Variants in EFHC2 observed in about 807,000 individuals in gnomAD.
EFHC2 encodes the protein EF-hand domain containing 2.
A neutral mutation model predicts 52.7 loss-of-function variants in EFHC2; 18 were observed. The ratio of observed to expected loss-of-function variants is 0.34; its 90% confidence interval spans 0.24 to 0.51. The LOEUF (loss-of-function observed/expected upper bound fraction) is 0.51. EFHC2 is among the 20% of genes least tolerant of loss of function. The pLI is 0.97. For synonymous variants in EFHC2, 203 were observed against 204.1 expected (o/e 0.99, Z 0.04); for missense variants, 513 against 562.5 (o/e 0.91, Z 0.89).
intron 11 of EFHC2, among the ~76,000 whole-genome samples, chrX:44,199,772 A>G (rs2036993097): frequency 8.9e-6 from 1 of 112,252 alleles, no homozygotes; most frequent in East Asian, 2.8e-4. Context: ...ATGTTCTAAG[A>G]AGGAGACAAC....
At chrX:44,180,270 T>C in intron 11 of EFHC2, among the ~76,000 whole-genome samples, 1 of 111,871 alleles carries the variant, frequency 8.9e-6, no homozygotes. Flanking sequence ...TCACTAATCA[T>C]TATTTAAAAA....
chrX:44,162,892 G>T (rs942823024), intron 14 of EFHC2, among the ~76,000 whole-genome samples: 2 of 111,670 alleles, frequency 1.8e-5, no homozygotes, highest in Non-Finnish European at 3.8e-5. Flanking sequence ...CTCAAAGGTA[G>T]CAGTGACAAT....
intron 8 of EFHC2, among the ~76,000 whole-genome samples, chrX:44,241,722 A>G (rs1336010650): frequency 8.9e-6 from 1 of 112,757 alleles, no homozygotes; most frequent in Admixed American, 9.3e-5. Context: ...TGGTGCTTTC[A>G]CGCTACAAAG....
At chrX:44,205,202 T>C (rs766928593) in intron 11 of EFHC2, among the ~76,000 whole-genome samples, 24 of 108,219 alleles carry the variant, frequency 2.2e-4, no homozygotes, top group African/African-American at 7.4e-4. Flanking sequence ...TTTAAAGGAG[T>C]TCTAAACATG....
In EFHC2 at chrX:44,343,597, G is replaced by A. The variant is rs747297699; in HGVS notation, c.-9C>T. The A allele has an allele frequency of 8.4e-7, 1 of 1,187,122 alleles. No individual in the cohort carries two copies. Among genetic ancestry groups the A allele is most frequent in the East Asian group, 3.1e-5 (1 of 32,506 alleles). On this transcript the variant is annotated 5_prime_UTR_variant, in exon 1 of 15. Transcript: ENST00000420999. ...AGCAGAGGCAGGGCCATGGCGCTCA[G>A]TGTCCGAAAATCCAGGGTCCCAGAA...
chrX:44,230,019 C>A (rs2037263632), intron 10 of EFHC2, among the ~76,000 whole-genome samples: 1 of 110,969 alleles, frequency 9.0e-6, no homozygotes, highest in Non-Finnish European at 1.9e-5. Context: ...GCTTAAGGAA[C>A]ACCAGGCCAC....
At chrX:44,275,597 T>C (rs1246400741) in intron 2 of EFHC2, among the ~76,000 whole-genome samples, 1 of 108,882 alleles carries the variant, frequency 9.2e-6, no homozygotes, top group East Asian at 2.9e-4. Context: ...TCATCATTTA[T>C]GATGTCAAGC....
intron 14 of EFHC2, among the ~76,000 whole-genome samples, chrX:44,163,584 G>T (rs1394652329): frequency 1.8e-5 from 2 of 112,002 alleles, no homozygotes; most frequent in Non-Finnish European, 3.8e-5. Flanking sequence ...TTTGAGATTT[G>T]CTCTTGTGGC....
At chrX:44,161,623 AGGACT>A (rs1383911916) in intron 14 of EFHC2, among the ~76,000 whole-genome samples, 3 of 112,027 alleles carry the variant, frequency 2.7e-5, no homozygotes, top group Non-Finnish European at 5.6e-5. Context: ...TCAGCTGCCA[AGGACT>A]GGCCTGGGCA....
At chrX:44,294,061 A>G (rs746489813) in intron 2 of EFHC2, among the ~76,000 whole-genome samples, 5 of 111,509 alleles carry the variant, frequency 4.5e-5, no homozygotes, top group Admixed American at 9.5e-5. Flanking sequence ...GGGAATCTGG[A>G]CATGTGCAAA....
chrX:44,239,251 T>TATATAATA (rs2037342908), intron 8 of EFHC2, among the ~76,000 whole-genome samples: 2 of 112,126 alleles, frequency 1.8e-5, no homozygotes, highest in Non-Finnish European at 3.8e-5. Flanking sequence ...CTGGCACAAG[T>TATATAATA]CTGGTATAAT....
intron 8 of EFHC2, among the ~76,000 whole-genome samples, chrX:44,238,819 T>C (rs2037339291): frequency 8.9e-6 from 1 of 112,102 alleles, no homozygotes; most frequent in African/African-American, 3.3e-5. Context: ...ACCTTCTTTA[T>C]TTTTTTCACA....
At chrX:44,271,407 G>A (rs1002613427) in intron 3 of EFHC2, among the ~76,000 whole-genome samples, 2 of 111,619 alleles carry the variant, frequency 1.8e-5, no homozygotes, top group Non-Finnish European at 3.8e-5. Context: ...TGGTAGTTAT[G>A]AGCAAGTAGG....
chrX:44,285,600 T>A (rs921773297), intron 2 of EFHC2: 1 of 115,845 alleles, frequency 8.6e-6, no homozygotes, highest in Non-Finnish European at 1.8e-5. Flanking sequence ...AGTGATAACC[T>A]GTGGGAGGAT....
intron 12 of EFHC2, 45 bp downstream of exon 12, chrX:44,178,322 T>C (rs2036805904): frequency 1.8e-6 from 2 of 1,091,006 alleles, no homozygotes; most frequent in African/African-American, 3.7e-5. Context: ...ATTACTCAGG[T>C]TCACAGAAAT....
intron 4 of EFHC2, among the ~76,000 whole-genome samples, chrX:44,255,570 C>A (rs1349994937): frequency 9.0e-6 from 1 of 111,662 alleles, no homozygotes; most frequent in East Asian, 2.8e-4. Flanking sequence ...ACAAGAAGAG[C>A]CAACTATACT....
chrX:44,322,770 G>A (rs752602862), intron 1 of EFHC2, among the ~76,000 whole-genome samples: 74 of 112,097 alleles, frequency 6.6e-4, no homozygotes, highest in Admixed American at 2.3e-3. Flanking sequence ...AGAGAGAACT[G>A]AGTCAGAGCT....
chrX:44,322,365 G>A (rs1465153068), intron 1 of EFHC2, among the ~76,000 whole-genome samples: 2 of 112,437 alleles, frequency 1.8e-5, no homozygotes, highest in African/African-American at 6.4e-5. Context: ...TCTATCGAAT[G>A]AATAGAACAT....
intron 4 of EFHC2, 81 bp from the exon 5 acceptor site, chrX:44,250,526 T>C (rs754519450): frequency 5.8e-5 from 61 of 1,047,895 alleles, no homozygotes; most frequent in Non-Finnish European, 7.2e-5. Context: ...GTGACAAATA[T>C]ATAAAGATAT....
Sources: gnomAD v4.1 joint callset for allele counts (sites outside exome capture counted in the v4.1 genomes callset) on GRCh38, gnomAD v4.1.1 for gene constraint, MANE v1.5 for transcripts, NCBI Gene and HGNC (gene_info 2026-07-23, HGNC 2026-07-21) for gene names.